BIRC6: variants seen among roughly 807,000 people sequenced by gnomAD.
BIRC6 encodes dual E2 ubiquitin-conjugating enzyme/E3 ubiquitin-protein ligase BIRC6.
Under a neutral mutation model 503.3 loss-of-function variants are expected in BIRC6, and 98 were observed. The ratio of observed to expected loss-of-function variants is 0.19; its 90% confidence interval spans 0.17 to 0.23. The LOEUF is 0.23. BIRC6 is among the 10% of genes least tolerant of loss of function. The pLI, the probability that BIRC6 is intolerant of heterozygous loss-of-function variation, is 1.00. For missense variants in BIRC6, 5,360 were observed against 5,806.0 expected (o/e 0.92, Z 2.50); for synonymous variants, 2,240 against 2,078.7 (o/e 1.08, Z -2.11).
At chr2:32,542,064 C>T (rs546459748) in intron 61 of BIRC6, among the ~76,000 whole-genome samples, 2 of 152,094 alleles carry the variant, frequency 1.3e-5, no homozygotes, top group Admixed American at 6.5e-5. Context: ...ATTTATCTTT[C>T]ATGGCCTTCA....
chr2:32,600,285 A>T (rs1391534176), intron 70 of BIRC6, among the ~76,000 whole-genome samples: 1 of 152,222 alleles, frequency 6.6e-6, no homozygotes, highest in Non-Finnish European at 1.5e-5. Flanking sequence ...ATCTCATATG[A>T]CCATAAACCT....
chr2:32,489,965 A>G, intron 42 of BIRC6, 76 bp from the exon 43 acceptor site: 1 of 1,029,296 alleles, frequency 9.7e-7, no homozygotes, highest in Non-Finnish European at 1.5e-6. Context: ...CTTGTTTTTA[A>G]ATTTATTCTT....
chr2:32,450,700 G>A (rs139461588), intron 22 of BIRC6, among the ~76,000 whole-genome samples: 1 of 152,236 alleles, frequency 6.6e-6, no homozygotes, highest in Non-Finnish European at 1.5e-5. Flanking sequence ...TGGGGAATTG[G>A]TTCCAGGACT....
intron 36 of BIRC6, 150 bp from the exon 37 acceptor site, chr2:32,479,312 A>G: frequency 1.5e-6 from 1 of 685,386 alleles, no homozygotes; most frequent in Non-Finnish European, 2.4e-6. Flanking sequence ...AGCATTCCTT[A>G]CGGGGGTGGG....
chr2:32,428,766 T>A (rs908490699), intron 10 of BIRC6, among the ~76,000 whole-genome samples: 1 of 152,198 alleles, frequency 6.6e-6, no homozygotes. Context: ...TTGTTGAGAT[T>A]AAGAGATCTG....
intron 50 of BIRC6, 117 bp downstream of exon 50, chr2:32,505,322 C>G (rs1322195403): frequency 1.2e-6 from 1 of 806,702 alleles, no homozygotes; most frequent in African/African-American, 1.7e-5. Flanking sequence ...GAGAGTGTAA[C>G]TTCTGAACAG....
rs35744882 is a variant in BIRC6, at chr2:32,599,021, C to CAAAA, written c.13831-696_13831-693dup. ...TGGGCGGTGGAGTGAAACTCCATCT[C>CAAAA]AAAAAAAAAAAAAAAAAAAAAAAAA... On this transcript the variant is annotated intron_variant, in intron 69 of 73. Coordinates refer to ENST00000421745, the MANE Select transcript of BIRC6 (RefSeq NM_016252.4). 8.7e-3 allele frequency among the ~76,000 whole-genome samples: 243 copies of CAAAA among 27,782 alleles called. 17 individuals are homozygous for CAAAA. The highest frequency in any genetic ancestry group is 0.038 in the Middle Eastern group (1 of 26). 18.2% of individuals were successfully genotyped at this position (27,782 alleles called of 152,430 possible).
At chr2:32,435,461 A>G in intron 13 of BIRC6, 35 bp from the exon 14 acceptor site, 2 of 1,525,896 alleles carry the variant, frequency 1.3e-6, no homozygotes, top group Non-Finnish European at 1.8e-6. Flanking sequence ...TAGAAACAGC[A>G]GTAGATAGGC....
intron 65 of BIRC6, 81 bp from the exon 66 acceptor site, chr2:32,575,075 C>A: frequency 6.9e-7 from 1 of 1,448,534 alleles, no homozygotes; most frequent in Non-Finnish European, 9.6e-7. Context: ...TGGTAAGATC[C>A]AGGTAAAAGC....
chr2:32,435,447 C>T, intron 13 of BIRC6, 49 bp from the exon 14 acceptor site: 1 of 1,479,154 alleles, frequency 6.8e-7, no homozygotes, highest in Non-Finnish European at 9.0e-7. Flanking sequence ...ATATTTTTAT[C>T]CTCTAGAAAC....
intron 33 of BIRC6, among the ~76,000 whole-genome samples, chr2:32,473,756 T>TTG (rs1558829313): frequency 6.9e-6 from 1 of 144,270 alleles, no homozygotes; most frequent in African/African-American, 2.6e-5. Context: ...TGTGTATTTT[T>TTG]TTTTTTTTTT....
chr2:32,528,045 C>A (rs2056423370), intron 59 of BIRC6: 1 of 152,182 alleles, frequency 6.6e-6, no homozygotes, highest in Admixed American at 6.5e-5. Context: ...TCCACAAGAA[C>A]CATTTTTAAA....
At chr2:32,395,947 G>A (rs973604271) in intron 6 of BIRC6, among the ~76,000 whole-genome samples, 3 of 152,118 alleles carry the variant, frequency 2.0e-5, no homozygotes, top group Non-Finnish European at 4.4e-5. Flanking sequence ...GAGCCTTATA[G>A]TATACATTTC....
chr2:32,531,557 A>T lies in BIRC6; in HGVS notation c.12291+6A>T. ...ATCCAGAAGTAATTCAACAGGTAAGATAAGATTTCCTAATCGAGTATATCA... is the reference window on the plus strand; with the variant it reads ...ATCCAGAAGTAATTCAACAGGTAAGTTAAGATTTCCTAATCGAGTATATCA... On this transcript the variant is annotated splice_donor_region_variant and intron_variant, in intron 61 of 73. Coordinates refer to ENST00000421745, the MANE Select transcript of BIRC6 (RefSeq NM_016252.4). 6.2e-7 allele frequency: 1 copy of T among 1,602,190 alleles called. No individual in the cohort carries two copies. The highest frequency in any genetic ancestry group is 8.5e-7 in the Non-Finnish European group (1 of 1,172,984).
At chr2:32,607,809 T>G (rs2062570261) in intron 72 of BIRC6, among the ~76,000 whole-genome samples, 166 bp downstream of exon 72, 1 of 151,096 alleles carries the variant, frequency 6.6e-6, no homozygotes, top group South Asian at 2.1e-4. Flanking sequence ...GAAACCGCAT[T>G]TCTACTTAAA....
At chr2:32,425,507 T>C (rs2043391059) in intron 10 of BIRC6, among the ~76,000 whole-genome samples, 1 of 151,940 alleles carries the variant, frequency 6.6e-6, no homozygotes, top group Admixed American at 6.6e-5. Context: ...TTTTTTGTTG[T>C]AGTCAGAACT....
chr2:32,599,922 G>T, intron 70 of BIRC6, 22 bp downstream of exon 70: 1 of 1,601,426 alleles, frequency 6.2e-7, no homozygotes, highest in East Asian at 2.2e-5. Context: ...GCAATTTTTT[G>T]TTTCAAATGC....
In BIRC6 at chr2:32,480,658, T is replaced by G. The variant is rs1190575397; in HGVS notation, c.7409-662T>G. ...TTTTTTTTTTTTTTTTTTTTTTTTT[T>G]GAGACGGAGTCTTGCTCTTGTCACC... On this transcript the variant is annotated intron_variant, in intron 37 of 73. Transcript: ENST00000421745. Among the ~76,000 whole-genome samples, 5 of 83,688 alleles carry G rather than the reference T, an allele frequency of 6.0e-5. No homozygotes were observed. The Admixed American group carries it at 6.5e-4, about 11-fold the overall frequency. 54.9% of individuals were successfully genotyped at this position (83,688 alleles called of 152,430 possible).
intron 54 of BIRC6, among the ~76,000 whole-genome samples, chr2:32,514,015 C>G (rs1403904477): frequency 3.3e-5 from 5 of 152,282 alleles, no homozygotes; most frequent in African/African-American, 9.6e-5. Flanking sequence ...CGCCATGCTG[C>G]CTCACGCCAC....
Sources: gnomAD v4.1 joint callset for allele counts (sites outside exome capture counted in the v4.1 genomes callset) on GRCh38, gnomAD v4.1.1 for gene constraint, MANE v1.5 for transcripts, NCBI Gene and HGNC (gene_info 2026-07-23, HGNC 2026-07-21) for gene names.